The following DUT variants were observed in gnomAD, a reference collection of about 807,000 sequenced individuals.
The protein encoded by DUT is deoxyuridine 5'-triphosphate nucleotidohydrolase, mitochondrial.
In DUT, 21 loss-of-function variants were observed where a neutral mutation model predicts 28.8. The observed-to-expected ratio is 0.73, with a 90% confidence interval of 0.52 to 1.05. DUT has a LOEUF of 1.05. Among genes scored for constraint, DUT ranks in the 50% least tolerant of loss-of-function variants. The pLI, the probability that DUT is intolerant of heterozygous loss-of-function variation, is 0.00. For missense variants in DUT, 344 were observed against 351.8 expected, an observed-to-expected ratio of 0.98 and a Z score of 0.18; for synonymous variants, 147 against 143.7, an observed-to-expected ratio of 1.02 and a Z score of -0.17.
In DUT at chr15:48,331,780, C is replaced by T; in HGVS notation, c.265C>T (p.Pro89Ser). Residue 89 changes from proline (P) to serine (S), a missense_variant, in exon 1 of 7, where the codon CCG becomes TCG. Coordinates refer to ENST00000331200, the MANE Select transcript of DUT (RefSeq NM_001025248.2). ...CGAGCTTCCTAAGGCGGGGGGAAGC[C>T]CGGCGCCGGGGCCGGGTAGGAAAGG... ...KGELPKAGGSPAPGPETPAIS... is the reference protein window; with the variant it reads ...KGELPKAGGSSAPGPETPAIS... The T allele has an allele frequency of 7.3e-7, 1 of 1,378,698 alleles. No individual in the cohort carries two copies. Among genetic ancestry groups the T allele is most frequent in the Non-Finnish European group, 9.3e-7 (1 of 1,071,744 alleles). The allele number at this position is 1,378,698 out of a possible 1,614,324, so 85.4% of individuals were successfully genotyped here.
At chr15:48,340,910 G>T (rs1406876534) in intron 4 of DUT, among the ~76,000 whole-genome samples, 6 of 152,138 alleles carry the variant, frequency 3.9e-5, no homozygotes, top group African/African-American at 1.4e-4. Context: ...TTCAATCTGG[G>T]TATTAGCGGG....
At chr15:48,339,106 G>A (rs1294255947) in intron 4 of DUT, among the ~76,000 whole-genome samples, 2 of 151,914 alleles carry the variant, frequency 1.3e-5, no homozygotes, top group Non-Finnish European at 2.9e-5. Context: ...ATAAGAGTGA[G>A]ACCCTGCCAA....
At chr15:48,334,975 A>C (rs893297424) in intron 3 of DUT, among the ~76,000 whole-genome samples, 5 of 152,220 alleles carry the variant, frequency 3.3e-5, no homozygotes, top group Non-Finnish European at 7.3e-5. Flanking sequence ...AGTTCTTTGC[A>C]AGAGCGTAAG....
intron 3 of DUT, 137 bp downstream of exon 3, chr15:48,334,645 G>A (rs1431873473): frequency 5.4e-6 from 3 of 554,402 alleles, no homozygotes; most frequent in African/African-American, 1.9e-5. Context: ...GATAGCAAAT[G>A]CACTCTTTGA....
intron 4 of DUT, among the ~76,000 whole-genome samples, chr15:48,340,641 CAA>C (rs2141168344): frequency 1.3e-5 from 2 of 152,182 alleles, no homozygotes; most frequent in South Asian, 4.1e-4. Context: ...TAATCTTAAA[CAA>C]GTATTAATTA....
At chr15:48,331,143 C>A, upstream of DUT, 1 of 1,334,272 alleles carries the variant, frequency 7.5e-7, no homozygotes, top group Non-Finnish European at 9.7e-7. Context: ...CTTAGGGCGC[C>A]GCTAAACTCA....
At chr15:48,331,334 C>T (rs991367796), upstream of DUT, 70 of 1,444,310 alleles carry the variant, frequency 4.8e-5, no homozygotes, top group Non-Finnish European at 6.3e-5. Flanking sequence ...CGCCGTCTTC[C>T]TGGGGCCCCA....
In DUT at chr15:48,343,296, C is replaced by T. The variant is rs2042561548; in HGVS notation, c.*1218C>T. ...TGAAATCAACTCAGTGGGACATAGC[C>T]AGCATTTTTGCATACCAGGTTGGGC... On this transcript the variant is annotated 3_prime_UTR_variant, in exon 7 of 7. Coordinates refer to ENST00000331200, the MANE Select transcript of DUT (RefSeq NM_001025248.2). 1 of 152,140 alleles carries T rather than the reference C, an allele frequency of 6.6e-6. No homozygotes were observed. Among genetic ancestry groups the T allele is most frequent in the South Asian group, 2.1e-4 (1 of 4,820 alleles). The allele number at this position is 152,140 out of a possible 1,614,324, so 9.4% of individuals were successfully genotyped here.
upstream of DUT, chr15:48,331,363 G>A (rs1237574782): frequency 3.4e-6 from 5 of 1,462,494 alleles, no homozygotes; most frequent in Admixed American, 7.8e-5. Flanking sequence ...GCCATCCCTG[G>A]GCTGCCGGGG....
chr15:48,339,556 G>C (rs1279730715), intron 4 of DUT, among the ~76,000 whole-genome samples: 1 of 151,964 alleles, frequency 6.6e-6, no homozygotes, highest in Non-Finnish European at 1.5e-5. Context: ...TTTCCATATA[G>C]ATAATATGGA....
At chr15:48,339,963 A>T (rs1235634260) in intron 4 of DUT, among the ~76,000 whole-genome samples, 2 of 152,148 alleles carry the variant, frequency 1.3e-5, no homozygotes, top group African/African-American at 4.8e-5. Flanking sequence ...ATTATATGAG[A>T]AAATTGAAAG....
In DUT at chr15:48,331,692, C is replaced by A. The variant is rs1161003959; in HGVS notation, c.177C>A (p.Ser59Arg). ...ACGGGATTCCCCGGCCGCTGTCCAG[C>A]GCTGGCCGCCTGAGCCAAGGCTGCC... ...AQHGIPRPLS[S>R]AGRLSQGCRG... The change falls in exon 1 of 7, where the codon AGC becomes AGA. Residue 59 changes from serine (S) to arginine (R), a missense_variant. Ser to Arg is a moderately radical substitution (Grantham distance 110). Transcript: ENST00000331200. The A allele has an allele frequency of 6.6e-7, 1 of 1,522,092 alleles. No individual in the cohort carries two copies. The highest frequency in any genetic ancestry group is 8.8e-7 in the Non-Finnish European group (1 of 1,135,756). 94.3% of individuals were successfully genotyped at this position (1,522,092 alleles called of 1,614,324 possible).
rs770007620 is a variant in DUT, at chr15:48,342,112, AC to A, written c.*36del. Reference sequence around the variant, plus strand: ...CCAAGAACAGAAAACAAGAAGTCATACCTTTTTCTTAAAAAAAAAAAAAAAG... The same window carrying A: ...CCAAGAACAGAAAACAAGAAGTCATACTTTTTCTTAAAAAAAAAAAAAAAG... On this transcript the variant is annotated 3_prime_UTR_variant, in exon 7 of 7. Coordinates refer to ENST00000331200, the MANE Select transcript of DUT (RefSeq NM_001025248.2). The A allele has an allele frequency of 3.5e-6, 5 of 1,439,272 alleles. No individual in the cohort carries two copies. The highest frequency in any genetic ancestry group is 3.7e-6 in the Non-Finnish European group (4 of 1,081,554). The allele number at this position is 1,439,272 out of a possible 1,614,324, so 89.2% of individuals were successfully genotyped here.
At chr15:48,332,043 C>A in intron 1 of DUT, 1 of 1,107,198 alleles carries the variant, frequency 9.0e-7, no homozygotes, top group African/African-American at 1.7e-5. Flanking sequence ...AGTTTCCCAT[C>A]CCAAACCTGC....
At chr15:48,334,297 C>T in intron 2 of DUT, 120 bp from the exon 3 acceptor site, 1 of 565,794 alleles carries the variant, frequency 1.8e-6, no homozygotes, top group Non-Finnish European at 2.9e-6. Flanking sequence ...ATTTTAGAAA[C>T]TAAAGTTGCA....
At chr15:48,339,580 C>T (rs1397262655) in intron 4 of DUT, among the ~76,000 whole-genome samples, 1 of 152,040 alleles carries the variant, frequency 6.6e-6, no homozygotes, top group Non-Finnish European at 1.5e-5. Context: ...CAGCTGGTTT[C>T]ATCTTTATAT....
At chr15:48,333,240 A>G (rs1469923373) in intron 2 of DUT, among the ~76,000 whole-genome samples, 2 of 152,158 alleles carry the variant, frequency 1.3e-5, no homozygotes, top group Non-Finnish European at 2.9e-5. Context: ...TAAGCACAGG[A>G]GAAGAGAAAG....
intron 2 of DUT, 99 bp downstream of exon 2, chr15:48,332,505 A>G (rs2042429612): frequency 6.6e-6 from 7 of 1,068,118 alleles, no homozygotes; most frequent in African/African-American, 1.6e-5. Context: ...CACACTAGCT[A>G]TAAATAGGAT....
intron 4 of DUT, among the ~76,000 whole-genome samples, chr15:48,340,918 G>A (rs1410058174): frequency 3.3e-5 from 5 of 152,076 alleles, no homozygotes; most frequent in African/African-American, 4.8e-5. Flanking sequence ...GGGTATTAGC[G>A]GGAAGCTGAT....
Sources: allele counts gnomAD v4.1 joint callset (sites outside exome capture counted in the v4.1 genomes callset), GRCh38; gene constraint gnomAD v4.1.1; transcripts MANE v1.5; gene names NCBI Gene and HGNC (gene_info 2026-07-23, HGNC 2026-07-21).